Variants in CYP46A1 observed in about 807,000 individuals in gnomAD.
The protein encoded by CYP46A1 is cholesterol 24-hydroxylase.
Under a neutral mutation model 63.3 loss-of-function variants are expected in CYP46A1, and 20 were observed. That is an observed-to-expected ratio of 0.32 (90% CI 0.22 to 0.46). The LOEUF is 0.46. Ranked by LOEUF, CYP46A1 falls within the 20% of genes least tolerant of loss-of-function variation. The pLI is 1.00. For missense variants in CYP46A1, 445 were observed against 670.8 expected (o/e 0.66, Z 3.72); for synonymous variants, 268 against 273.6 (o/e 0.98, Z 0.20).
At chr14:99,706,213 G>A (rs917041349) in intron 5 of CYP46A1, 1 of 162,456 alleles carries the variant, frequency 6.2e-6, no homozygotes, top group Non-Finnish European at 1.4e-5. Context: ...GCAGTGAAGT[G>A]GGAAAACAAA....
In CYP46A1 at chr14:99,706,696, G is replaced by A. The variant is rs1428394092; in HGVS notation, c.493G>A (p.Val165Met). The A allele has an allele frequency of 6.2e-7, 1 of 1,613,966 alleles. No homozygotes were observed. Among genetic ancestry groups the A allele is most frequent in the Admixed American group, 1.7e-5 (1 of 60,028 alleles). ...ATTCAACGAGAAGGCTGAGCAGCTG[G>A]TGGAGATTCTAGAAGCCAAGGCAGA... ...ETFNEKAEQL[V>M]EILEAKADGQ... Residue 165 changes from valine to methionine, a missense_variant, in exon 6 of 15, where the codon GTG becomes ATG. By Grantham distance (21) the Val-to-Met change is conservative (BLOSUM62 1). This residue lies in a region of CYP46A1 where 252 missense variants were observed against 383.3 expected (regional missense o/e 0.66). Coordinates refer to ENST00000261835, the MANE Select transcript of CYP46A1 (RefSeq NM_006668.2).
chr14:99,715,744 GTGGGGGA>G (rs1566833822), intron 7 of CYP46A1, 59 bp from the exon 8 acceptor site: 4 of 1,604,700 alleles, frequency 2.5e-6, no homozygotes, highest in Admixed American at 3.4e-5. Flanking sequence ...TTTCGGGGTG[GTGGGGGA>G]GAGGGGAGAG....
intron 14 of CYP46A1, 44 bp from the exon 15 acceptor site, chr14:99,726,513 T>A: frequency 6.7e-7 from 1 of 1,502,206 alleles, no homozygotes; most frequent in Non-Finnish European, 8.9e-7. Flanking sequence ...ACTCATTCTG[T>A]CTTTGCTCCT....
intron 3 of CYP46A1, among the ~76,000 whole-genome samples, chr14:99,694,659 G>A (rs760206886): frequency 2.0e-5 from 3 of 151,890 alleles, no homozygotes; most frequent in African/African-American, 4.8e-5. Flanking sequence ...ACCACTGCAC[G>A]TGGCTAAATT....
intron 5 of CYP46A1, among the ~76,000 whole-genome samples, chr14:99,705,486 A>C (rs2056668086): frequency 6.6e-6 from 1 of 152,216 alleles, no homozygotes; most frequent in African/African-American, 2.4e-5. Flanking sequence ...TATTGGGGTT[A>C]TAGGCATGAG....
At chr14:99,688,437 G>A (rs750493013) in intron 1 of CYP46A1, among the ~76,000 whole-genome samples, 9 of 152,006 alleles carry the variant, frequency 5.9e-5, no homozygotes, top group Non-Finnish European at 7.4e-5. Flanking sequence ...GGGAGCAGCC[G>A]GTGAGAGTTT....
intron 1 of CYP46A1, among the ~76,000 whole-genome samples, chr14:99,690,821 A>G (rs1008991707): frequency 6.6e-6 from 1 of 152,066 alleles, no homozygotes; most frequent in African/African-American, 2.4e-5. Context: ...AGTCCTTTCT[A>G]TCTGCCAGCC....
intron 3 of CYP46A1, among the ~76,000 whole-genome samples, chr14:99,694,060 T>C (rs1157238508): frequency 6.6e-6 from 1 of 150,714 alleles, no homozygotes; most frequent in Non-Finnish European, 1.5e-5. Flanking sequence ...ATGTGCGTCA[T>C]ACATGTGTAA....
In CYP46A1 at chr14:99,718,145, G is replaced by A; in HGVS notation, c.980+19G>A. On this transcript the variant is annotated intron_variant, in intron 10 of 14. Transcript: ENST00000261835. ...TGGCAAGGTATGGGGGCTGCTCTTGGGGCTGGCAAAGAGGTCTGTCTGATT... is the reference window on the plus strand; with the variant it reads ...TGGCAAGGTATGGGGGCTGCTCTTGAGGCTGGCAAAGAGGTCTGTCTGATT... 1 of 1,611,456 alleles carries A rather than the reference G, an allele frequency of 6.2e-7. No individual in the cohort carries two copies. Among genetic ancestry groups the A allele is most frequent in the African/African-American group, 1.3e-5 (1 of 74,978 alleles).
chr14:99,692,838 A>G (rs982431646), intron 3 of CYP46A1, among the ~76,000 whole-genome samples: 5 of 146,882 alleles, frequency 3.4e-5, no homozygotes, highest in African/African-American at 1.3e-4. Context: ...TCCAAAAAAG[A>G]AAAAAAAAAA....
At chr14:99,723,956 C>G (rs1375781454) in intron 12 of CYP46A1, among the ~76,000 whole-genome samples, 1 of 152,126 alleles carries the variant, frequency 6.6e-6, no homozygotes, top group Non-Finnish European at 1.5e-5. Context: ...TTTATTTTCT[C>G]CCAGTCCTGG....
chr14:99,712,815 C>T (rs1043047920), intron 7 of CYP46A1: 2 of 151,948 alleles, frequency 1.3e-5, no homozygotes, highest in African/African-American at 2.4e-5. Flanking sequence ...TTGCGTGAAA[C>T]CACGAAAGAG....
chr14:99,688,328 G>A (rs1164399943), intron 1 of CYP46A1, among the ~76,000 whole-genome samples: 2 of 152,096 alleles, frequency 1.3e-5, no homozygotes, highest in Non-Finnish European at 2.9e-5. Context: ...TCCCCAGGGC[G>A]TTTATTCGCC....
intron 5 of CYP46A1, chr14:99,703,975 C>A: frequency 3.2e-6 from 2 of 625,776 alleles, no homozygotes; most frequent in Non-Finnish European, 4.0e-6. Flanking sequence ...GCCAAGCAAA[C>A]TTCAGGAAGC....
At chr14:99,689,673 C>T (rs943208783) in intron 1 of CYP46A1, among the ~76,000 whole-genome samples, 3 of 152,340 alleles carry the variant, frequency 2.0e-5, no homozygotes, top group East Asian at 1.9e-4. Flanking sequence ...CATAGCCAAA[C>T]GGCACGTTCC....
intron 7 of CYP46A1, among the ~76,000 whole-genome samples, chr14:99,714,951 G>T (rs1431398088): frequency 6.6e-6 from 1 of 152,072 alleles, no homozygotes; most frequent in Non-Finnish European, 1.5e-5. Context: ...AGCTAAAAAA[G>T]TTGATCTCAT....
At chr14:99,684,800 C>A in intron 1 of CYP46A1, 1 of 569,800 alleles carries the variant, frequency 1.8e-6, no homozygotes, top group Non-Finnish European at 3.3e-6. Flanking sequence ...TATTGTTAAC[C>A]CATCGTTCAG....
chr14:99,691,672 A>G lies in CYP46A1; in HGVS notation c.201-108A>G, dbSNP rs922605063. The G allele has an allele frequency of 1.4e-5, 14 of 1,032,970 alleles. No homozygotes were observed. The East Asian group carries it at 2.1e-4, about 16-fold the overall frequency. The allele number at this position is 1,032,970 out of a possible 1,614,324, so 64.0% of individuals were successfully genotyped here. A position where few individuals can be genotyped will look rare whatever the true frequency, so the allele number is the denominator to read the frequency against. ...GGACAGCACTCTTTTGGTAGCATGC[A>G]TTGAGCACCTTCTGGGACGGGAAAC... On this transcript the variant is annotated intron_variant, in intron 2 of 14. Transcript: ENST00000261835.
chr14:99,715,757 G>C, intron 7 of CYP46A1, 53 bp from the exon 8 acceptor site: 1 of 1,611,800 alleles, frequency 6.2e-7, no homozygotes, highest in Non-Finnish European at 8.5e-7. Context: ...GGGGAGAGGG[G>C]AGAGGGAACA....
Sources: gnomAD v4.1 joint callset for allele counts (sites outside exome capture counted in the v4.1 genomes callset) on GRCh38, gnomAD v4.1.1 for gene constraint, gnomAD v4.1.1 regional missense constraint, MANE v1.5 for transcripts, NCBI Gene and HGNC (gene_info 2026-07-23, HGNC 2026-07-21) for gene names.